The following LSM14B variants were observed in gnomAD, a reference collection of about 807,000 sequenced individuals.
The protein encoded by LSM14B is LSM family member 14B, also known as protein LSM14 homolog B.
Under a neutral mutation model 42.1 loss-of-function variants are expected in LSM14B, and 8 were observed. That is an observed-to-expected ratio of 0.19 (90% CI 0.11 to 0.34). The LOEUF is 0.34. Ranked by LOEUF, LSM14B falls within the 10% of genes least tolerant of loss-of-function variation. The pLI is 1.00. For synonymous variants in LSM14B, 219 were observed against 209.7 expected (o/e 1.04, Z -0.38); for missense variants, 396 against 513.1 (o/e 0.77, Z 2.21).
At position 62,135,182 on chromosome 20, in the gene LSM14B, C is replaced by T. The variant is rs1044325354; in HGVS notation, c.*1034C>T. 1.3e-5 allele frequency: 2 copies of T among 152,016 alleles called. No individual in the cohort carries two copies. Among genetic ancestry groups the T allele is most frequent in the African/African-American group, 4.8e-5 (2 of 41,356 alleles). The allele number at this position is 152,016 out of a possible 1,614,324, so 9.4% of individuals were successfully genotyped here. A position where few individuals can be genotyped will look rare whatever the true frequency, so the allele number is the denominator to read the frequency against. The stretch of plus-strand genomic sequence containing the variant: ...TCCTCTGAGTGACAGGGCATTTTGT[C>T]GAAAATAAGCACCTTGGTAACTAAA... On this transcript the variant is annotated 3_prime_UTR_variant, in exon 9 of 9. Transcript: ENST00000279068.
At position 62,122,930 on chromosome 20, in the gene LSM14B, C is replaced by T. The variant is rs1214661869; in HGVS notation, c.127+137C>T. 15 of 744,532 alleles carry T rather than the reference C, an allele frequency of 2.0e-5. No individual in the cohort carries two copies. Among genetic ancestry groups the T allele is most frequent in the Non-Finnish European group, 2.7e-5 (15 of 557,942 alleles). 46.1% of individuals were successfully genotyped at this position (744,532 alleles called of 1,614,324 possible). On this transcript the variant is annotated intron_variant, in intron 1 of 8. Coordinates refer to ENST00000279068, the MANE Select transcript of LSM14B (RefSeq NM_144703.3). This position sits in a 1 kb window ranked among gnomAD's most constrained non-coding sequence, Gnocchi z 4.6. ...AGAACCCACCCAGGGCACACCCGGC[C>T]CGAGATCCCCTGCCCGCGCCTTCAC...
chr20:62,131,513 G>A lies in LSM14B; in HGVS notation c.986+7G>A. 1.2e-6 allele frequency: 2 copies of A among 1,612,232 alleles called. No individual in the cohort carries two copies. The highest frequency in any genetic ancestry group is 1.1e-5 in the South Asian group (1 of 91,076). ...CTTCTGAACTCAAGACCAGGTGAGAGGCTGAATGAATGAGGGGAGGACAGT... is the reference window on the plus strand; with the variant it reads ...CTTCTGAACTCAAGACCAGGTGAGAAGCTGAATGAATGAGGGGAGGACAGT... On this transcript the variant is annotated splice_region_variant and intron_variant, in intron 7 of 8. Coordinates refer to ENST00000279068, the MANE Select transcript of LSM14B (RefSeq NM_144703.3).
chr20:62,130,833 C>G lies in LSM14B; in HGVS notation c.835+142C>G. 4 of 848,672 alleles carry G rather than the reference C, an allele frequency of 4.7e-6. No homozygotes were observed. Among genetic ancestry groups the G allele is most frequent in the Non-Finnish European group, 5.3e-6 (3 of 566,524 alleles). 52.6% of individuals were successfully genotyped at this position (848,672 alleles called of 1,614,324 possible). On this transcript the variant is annotated intron_variant, in intron 6 of 8. Coordinates refer to ENST00000279068, the MANE Select transcript of LSM14B (RefSeq NM_144703.3). The surrounding 1 kb of genome is among the most constrained non-coding windows in gnomAD (Gnocchi z 4.1). ...CTGAGGTGGGTGGATCACCTGAGGT[C>G]AGGAGTTCAACACCAGCCTGGCCAA...
rs760923292 is a variant in LSM14B at position 62,134,485 on chromosome 20, TTTTTTA to T, written c.*338_*343del. 1.2e-4 allele frequency: 39 copies of T among 314,190 alleles called. No individual in the cohort carries two copies. The highest frequency in any genetic ancestry group is 2.2e-4 in the Non-Finnish European group (35 of 158,676). The allele number at this position is 314,190 out of a possible 1,614,324, so 19.5% of individuals were successfully genotyped here. A position where few individuals can be genotyped will look rare whatever the true frequency, so the allele number is the denominator to read the frequency against. On this transcript the variant is annotated 3_prime_UTR_variant, in exon 9 of 9. Transcript: ENST00000279068. ...TCCTTACTTTGTGACTTTTTTTTTTTTTTTTAATGACAAGCTTTGACTTTTAAAAGT... is the reference window on the plus strand; with the variant it reads ...TCCTTACTTTGTGACTTTTTTTTTTTATGACAAGCTTTGACTTTTAAAAGT...
Position 62,129,894 on chromosome 20 carries a change from C to T in LSM14B, c.537C>T (p.Gly179=), listed in dbSNP as rs1303373369. 1.2e-6 allele frequency: 2 copies of T among 1,613,524 alleles called. No homozygotes were observed. The highest frequency in any genetic ancestry group is 1.3e-5 in the African/African-American group (1 of 75,046). The part of the protein sequence containing the change: ...LNAKKLLPGK[G]TTGTQLNGRQ... Reference sequence around the variant, plus strand: ...CTAAAAAGCTGTTACCTGGCAAGGGCACCACAGGGACGCAGCTCAACGGTC... The same window carrying T: ...CTAAAAAGCTGTTACCTGGCAAGGGTACCACAGGGACGCAGCTCAACGGTC... Residue 179 remains glycine, a synonymous_variant, in exon 4 of 9, where the codon GGC becomes GGT. Transcript: ENST00000279068.
In LSM14B at chr20:62,134,389, T is replaced by C. The variant is rs951075967; in HGVS notation, c.*241T>C. The C allele has an allele frequency of 1.1e-5, 5 of 455,486 alleles. No homozygotes were observed. Among genetic ancestry groups the C allele is most frequent in the Non-Finnish European group, 1.8e-5 (4 of 220,660 alleles). 28.2% of individuals were successfully genotyped at this position (455,486 alleles called of 1,614,324 possible). A position where few individuals can be genotyped will look rare whatever the true frequency, so the allele number is the denominator to read the frequency against. On this transcript the variant is annotated 3_prime_UTR_variant, in exon 9 of 9. Transcript: ENST00000279068. Reference sequence around the variant, plus strand: ...TTGAGGTCTCTTTATCTGTGTTTCCTTTTTAGTTGCGCATAGCCTAATTCT... The same window carrying C: ...TTGAGGTCTCTTTATCTGTGTTTCCCTTTTAGTTGCGCATAGCCTAATTCT...
intron 3 of LSM14B, chr20:62,127,443 T>C (rs1223838414): frequency 1.4e-5 from 9 of 640,636 alleles, no homozygotes; most frequent in South Asian, 1.9e-5. Context: ...AGCCCAGCTC[T>C]CTGGGTTTCT....
chr20:62,131,427 G>C lies in LSM14B; in HGVS notation c.907G>C (p.Glu303Gln). 1 of 1,613,940 alleles carries C rather than the reference G, an allele frequency of 6.2e-7. No homozygotes were observed. The highest frequency in any genetic ancestry group is 8.5e-7 in the Non-Finnish European group (1 of 1,179,870). The change falls in exon 7 of 9, where the codon GAA becomes CAA. Residue 303 changes from glutamate (E) to glutamine (Q), a missense_variant. By Grantham distance (29) the Glu-to-Gln change is conservative. Transcript: ENST00000279068. ...VTQSAEAPAE[E>Q]DLLGPNCYYD... ...CCAGAGTGCCGAAGCGCCCGCTGAG[G>C]AAGACCTTCTGGGGCCCAACTGCTA...
rs551651510 is a variant in LSM14B at position 62,130,416 on chromosome 20, G to A, written c.674-114G>A. On this transcript the variant is annotated intron_variant, in intron 5 of 8. Transcript: ENST00000279068. This position sits in a 1 kb window ranked among gnomAD's most constrained non-coding sequence, Gnocchi z 4.1. ...GGGTGCTGGTGTGAAGTCGCTGCTT[G>A]TGTGCTCTGTTCCTTCTGTGGCCTT... 6.5e-7 allele frequency: 1 copy of A among 1,534,042 alleles called. No homozygotes were observed. The highest frequency in any genetic ancestry group is 1.4e-5 in the African/African-American group (1 of 73,056).
intron 1 of LSM14B, 44 bp from the exon 2 acceptor site, chr20:62,124,573 C>G: frequency 6.3e-7 from 1 of 1,590,972 alleles, no homozygotes; most frequent in Non-Finnish European, 8.6e-7. Context: ...GTTGATTGAA[C>G]TGGCTGAGGA....
chr20:62,126,458 T>A lies in LSM14B; in HGVS notation c.427+19T>A, dbSNP rs774231110. 3.1e-6 allele frequency: 5 copies of A among 1,603,200 alleles called. No individual in the cohort carries two copies. The highest frequency in any genetic ancestry group is 3.4e-6 in the Non-Finnish European group (4 of 1,178,882). Reference sequence around the variant, plus strand: ...GGTCTAGGTGAGTGACCTGTTTCTGTCTGGTAAACTACCCTTGCGTGTAAC... The same window carrying A: ...GGTCTAGGTGAGTGACCTGTTTCTGACTGGTAAACTACCCTTGCGTGTAAC... On this transcript the variant is annotated intron_variant, in intron 3 of 8. Coordinates refer to ENST00000279068, the MANE Select transcript of LSM14B (RefSeq NM_144703.3).
chr20:62,125,544 T>C (rs1482970781), intron 2 of LSM14B, among the ~76,000 whole-genome samples: 1 of 152,246 alleles, frequency 6.6e-6, no homozygotes, highest in Non-Finnish European at 1.5e-5. Context: ...GATTTGCAAG[T>C]CTGATGCCAT....
Position 62,126,246 on chromosome 20 carries a change from A to G in LSM14B, c.292-58A>G, listed in dbSNP as rs150856270. The stretch of plus-strand genomic sequence containing the variant: ...CCCAGCTGAACAAGCGCCCTGATGA[A>G]GGCGTGCGGGGTGATGGGATGGCCT... On this transcript the variant is annotated intron_variant, in intron 2 of 8. Coordinates refer to ENST00000279068, the MANE Select transcript of LSM14B (RefSeq NM_144703.3). 1.5e-4 allele frequency: 244 copies of G among 1,612,140 alleles called. No homozygotes were observed. The African/African-American group carries it at 3.1e-3, about 20-fold the overall frequency.
chr20:62,123,309 CTTA>C (rs2056467847), intron 1 of LSM14B: 1 of 152,452 alleles, frequency 6.6e-6, no homozygotes, highest in Admixed American at 6.5e-5. Flanking sequence ...CTTTCTGGAA[CTTA>C]TTAGACAGCT....
rs2056732738 is a variant in LSM14B at position 62,130,376 on chromosome 20, G to C, written c.673+80G>C. The C allele has an allele frequency of 6.5e-7, 1 of 1,537,742 alleles. No individual in the cohort carries two copies. The highest frequency in any genetic ancestry group is 8.8e-7 in the Non-Finnish European group (1 of 1,133,576). ...TGCTTGCCCTCCTGCCTGCTTCTCT[G>C]GTTGACGGTTTCAGGGGTGCTGGTG... On this transcript the variant is annotated intron_variant, in intron 5 of 8. Coordinates refer to ENST00000279068, the MANE Select transcript of LSM14B (RefSeq NM_144703.3). This position sits in a 1 kb window ranked among gnomAD's most constrained non-coding sequence, Gnocchi z 4.1.
intron 2 of LSM14B, among the ~76,000 whole-genome samples, chr20:62,125,517 G>A (rs1048498287): frequency 6.6e-6 from 1 of 152,256 alleles, no homozygotes; most frequent in African/African-American, 2.4e-5. Flanking sequence ...GTTACATGCT[G>A]CTGTTATACA....
chr20:62,128,844 T>G (rs2056681367), intron 3 of LSM14B: 1 of 837,366 alleles, frequency 1.2e-6, no homozygotes, highest in Admixed American at 3.2e-5. Flanking sequence ...TTCATTTCTA[T>G]TCCGTAAAAG....
At position 62,122,844 on chromosome 20, in the gene LSM14B, C is replaced by G; in HGVS notation, c.127+51C>G. On this transcript the variant is annotated intron_variant, in intron 1 of 8. Transcript: ENST00000279068. The surrounding 1 kb of genome is among the most constrained non-coding windows in gnomAD (Gnocchi z 4.6). ...CGCTGACCCCCGTCCGCCAACAGCC[C>G]CGGCCTGCGGTGCCCTCCCCGCCCC... is the stretch of plus-strand genomic sequence containing the variant. The G allele has an allele frequency of 1.4e-6, 2 of 1,421,352 alleles. No individual in the cohort carries two copies. Among genetic ancestry groups the G allele is most frequent in the Non-Finnish European group, 1.9e-6 (2 of 1,071,040 alleles). The allele number at this position is 1,421,352 out of a possible 1,614,324, so 88.0% of individuals were successfully genotyped here.
intron 3 of LSM14B, chr20:62,127,564 T>C (rs2056642854): frequency 6.6e-7 from 1 of 1,515,186 alleles, no homozygotes; most frequent in Non-Finnish European, 9.0e-7. Flanking sequence ...TTTTTGCTCT[T>C]TCTCCTTTAT....
Sources: gnomAD v4.1 joint callset for allele counts (sites outside exome capture counted in the v4.1 genomes callset) on GRCh38, gnomAD v4.1.1 for gene constraint, Gnocchi (gnomAD v3.1) non-coding constraint, MANE v1.5 for transcripts, NCBI Gene and HGNC (gene_info 2026-07-23, HGNC 2026-07-21) for gene names.